RBFOX1: variants seen among roughly 807,000 people sequenced by gnomAD.
RBFOX1 encodes RNA binding protein fox-1 homolog 1.
In RBFOX1, 8 loss-of-function variants were observed where a neutral mutation model predicts 57.7. The observed-to-expected ratio is 0.14, with a 90% confidence interval of 0.08 to 0.25. RBFOX1 has a LOEUF of 0.25. Ranked by LOEUF, RBFOX1 falls within the 10% of genes least tolerant of loss-of-function variation. The probability of loss-of-function intolerance (pLI) is 1.00; values close to 1 mark genes in which losing one functional copy is unlikely to be tolerated. For synonymous variants in RBFOX1, 326 were observed against 222.4 expected (o/e 1.47, Z -4.15); for missense variants, 611 against 548.5 (o/e 1.11, Z -1.14).
Position 7,253,062 on chromosome 16 carries a change from C to T in RBFOX1, c.27+200964C>T, listed in dbSNP as rs138355018. On this transcript the variant is annotated intron_variant, in intron 4 of 15. Coordinates refer to ENST00000550418, the MANE Select transcript of RBFOX1 (RefSeq NM_018723.4). ...GCATCTTTTCCATCTTTTTCATTTA[C>T]GCTCTTATAATTACCTTTAAACACA... 6.8e-3 allele frequency among the ~76,000 whole-genome samples: 1,042 copies of T among 152,280 alleles called. 8 individuals are homozygous for T. Among genetic ancestry groups the T allele is most frequent in the African/African-American group, 0.023 (939 of 41,562 alleles).
At chr16:6,410,217 A>G (rs2093414384) in intron 2 of RBFOX1, among the ~76,000 whole-genome samples, 1 of 142,256 alleles carries the variant, frequency 7.0e-6, no homozygotes, top group Non-Finnish European at 1.5e-5. Context: ...GGTGCATATG[A>G]ATGTGCTTTT....
At chr16:5,257,181 A>T in intron 1 of RBFOX1, among the ~76,000 whole-genome samples, 1 of 151,796 alleles carries the variant, frequency 6.6e-6, no homozygotes, top group South Asian at 2.1e-4. Flanking sequence ...GAAAACTCAA[A>T]AAAAAACAGC....
At chr16:6,782,676 T>A (rs918433588) in intron 3 of RBFOX1, among the ~76,000 whole-genome samples, 1 of 152,212 alleles carries the variant, frequency 6.6e-6, no homozygotes, top group African/African-American at 2.4e-5. Context: ...ATATTTTATG[T>A]GCCCATGAGA....
intron 3 of RBFOX1, among the ~76,000 whole-genome samples, chr16:5,768,787 G>A (rs1427031393): frequency 6.6e-6 from 1 of 152,154 alleles, no homozygotes; most frequent in Non-Finnish European, 1.5e-5. Flanking sequence ...GGCTTCTGTT[G>A]TGTCCAAATG....
intron 4 of RBFOX1, among the ~76,000 whole-genome samples, chr16:7,160,180 A>T (rs1414949676): frequency 6.6e-6 from 1 of 151,972 alleles, no homozygotes; most frequent in Non-Finnish European, 1.5e-5. Context: ...TCCAAACTTC[A>T]TATGACTTTT....
Position 5,335,840 on chromosome 16 carries a change from G to C in RBFOX1, c.219+95735G>C, listed in dbSNP as rs546488321. On this transcript the variant is annotated intron_variant, in intron 1 of 2. Transcript: ENST00000585867. Reference sequence around the variant, plus strand: ...CATAAGTGAATGGATCCTATCAAAAGATGTTCTCAGACTGCCGACTCTTTG... The same window carrying C: ...CATAAGTGAATGGATCCTATCAAAACATGTTCTCAGACTGCCGACTCTTTG... Among the ~76,000 whole-genome samples, 4 of 152,240 alleles carry C rather than the reference G, an allele frequency of 2.6e-5. No homozygotes were observed. In the South Asian group the frequency reaches 8.3e-4, roughly 32 times the overall value.
intron 10 of RBFOX1, among the ~76,000 whole-genome samples, chr16:7,629,201 A>G (rs1287892543): frequency 1.3e-5 from 2 of 152,150 alleles, no homozygotes; most frequent in East Asian, 1.9e-4. Context: ...CAGACCGGTA[A>G]CAGGGGAAGA....
At chr16:6,235,724 G>A (rs1350385288) in intron 1 of RBFOX1, among the ~76,000 whole-genome samples, 1 of 152,058 alleles carries the variant, frequency 6.6e-6, no homozygotes. Flanking sequence ...GAATGAGATT[G>A]GAGACTATTA....
chr16:5,524,753 C>A (rs939233668), intron 2 of RBFOX1, among the ~76,000 whole-genome samples: 2 of 152,040 alleles, frequency 1.3e-5, no homozygotes, highest in African/African-American at 4.8e-5. Flanking sequence ...GTTGGCCAGG[C>A]TGGTCTTGAA....
chr16:7,591,292 C>T (rs2094432776), intron 7 of RBFOX1, among the ~76,000 whole-genome samples: 1 of 152,008 alleles, frequency 6.6e-6, no homozygotes, highest in South Asian at 2.1e-4. Flanking sequence ...CAACAGCTCC[C>T]CTCTTCTAAA....
At chr16:7,103,731 G>A (rs1317833398) in intron 4 of RBFOX1, among the ~76,000 whole-genome samples, 1 of 152,110 alleles carries the variant, frequency 6.6e-6, no homozygotes, top group Non-Finnish European at 1.5e-5. Flanking sequence ...GACAAACTAA[G>A]CAACAAGTCT....
rs546241703 is a variant in RBFOX1 at position 5,620,312 on chromosome 16, C to T, written c.318+21351C>T. Among the ~76,000 whole-genome samples, 26 of 152,266 alleles carry T rather than the reference C, an allele frequency of 1.7e-4. No homozygotes were observed. In the South Asian group the frequency reaches 2.5e-3, roughly 15 times the overall value. On this transcript the variant is annotated intron_variant, in intron 3 of 19. Coordinates refer to the RBFOX1 transcript ENST00000641259. ...GATCTCACTCTCTTCCCCACATTGC[C>T]GCATCTCTACACATGGTGTGGAGAG...
chr16:5,811,376 C>G (rs2055425430), intron 3 of RBFOX1, among the ~76,000 whole-genome samples: 2 of 151,852 alleles, frequency 1.3e-5, no homozygotes, highest in South Asian at 4.2e-4. Flanking sequence ...CTCCTGACCT[C>G]AGGTGATCCG....
At chr16:6,090,101 C>A (rs936643848) in intron 1 of RBFOX1, 1 of 152,182 alleles carries the variant, frequency 6.6e-6, no homozygotes, top group African/African-American at 2.4e-5. Context: ...CATGCCTTGG[C>A]TCGTGGCCCC....
At chr16:7,241,213 C>A (rs1387449745) in intron 4 of RBFOX1, among the ~76,000 whole-genome samples, 3 of 152,138 alleles carry the variant, frequency 2.0e-5, no homozygotes, top group Non-Finnish European at 4.4e-5. Context: ...CCACCTCTAC[C>A]ATAAATCACA....
chr16:6,191,569 A>T (rs771236961), intron 1 of RBFOX1, among the ~76,000 whole-genome samples: 3 of 152,182 alleles, frequency 2.0e-5, no homozygotes, highest in Non-Finnish European at 4.4e-5. Context: ...GAGAGAAAAA[A>T]AGTTAGCACC....
chr16:7,614,616 A>T (rs758946537), intron 10 of RBFOX1: 4 of 152,184 alleles, frequency 2.6e-5, no homozygotes, highest in Non-Finnish European at 4.4e-5. Flanking sequence ...TAGTCCTTGT[A>T]CAAGAAGCTT....
chr16:5,394,138 C>T (rs1030850408), intron 1 of RBFOX1, among the ~76,000 whole-genome samples: 1 of 152,070 alleles, frequency 6.6e-6, no homozygotes, highest in Non-Finnish European at 1.5e-5. Flanking sequence ...GTTCTTCTGC[C>T]TCAGCCTCCC....
At chr16:7,050,612 A>C (rs902405183) in intron 3 of RBFOX1, among the ~76,000 whole-genome samples, 1 of 152,044 alleles carries the variant, frequency 6.6e-6, no homozygotes, top group Non-Finnish European at 1.5e-5. Flanking sequence ...TTTTAACCCA[A>C]GATAGGAACC....
Sources: gnomAD v4.1 joint callset for allele counts (sites outside exome capture counted in the v4.1 genomes callset) on GRCh38, gnomAD v4.1.1 for gene constraint, MANE v1.5 for transcripts, NCBI Gene and HGNC (gene_info 2026-07-23, HGNC 2026-07-21) for gene names.